Variants in NELL1 observed in about 807,000 individuals in gnomAD.
NELL1 encodes the protein protein kinase C-binding protein NELL1.
In NELL1, 76 loss-of-function variants were observed where a neutral mutation model predicts 107.4. The observed-to-expected ratio is 0.71, with a 90% CI of 0.59 to 0.86. NELL1 has a LOEUF of 0.86. Ranked by LOEUF, NELL1 falls within the 40% of genes least tolerant of loss-of-function variation. The pLI, the probability that NELL1 is intolerant of heterozygous loss-of-function variation, is 0.00. For missense variants in NELL1, 1,024 were observed against 1,005.5 expected, an observed-to-expected ratio of 1.02 and a Z score of -0.25; for synonymous variants, 353 against 341.2, an observed-to-expected ratio of 1.03 and a Z score of -0.38.
chr11:20,821,135 G>A lies in NELL1; in HGVS notation c.336-26448G>A, dbSNP rs529501443. Among the ~76,000 whole-genome samples the A allele has an allele frequency of 2.0e-5, 3 of 152,310 alleles. No individual in the cohort carries two copies. The South Asian group carries it at 6.2e-4, about 32-fold the overall frequency. Reference sequence around the variant, plus strand: ...GGAGATGGCATTTAAACTGGGACTTGAAGCATGAGTCAGAGTTTACCAGGT... The same window carrying A: ...GGAGATGGCATTTAAACTGGGACTTAAAGCATGAGTCAGAGTTTACCAGGT... On this transcript the variant is annotated intron_variant, in intron 3 of 19. Coordinates refer to ENST00000357134, the MANE Select transcript of NELL1 (RefSeq NM_006157.5).
intron 12 of NELL1, among the ~76,000 whole-genome samples, chr11:21,049,471 C>T (rs1401719522): frequency 6.6e-6 from 1 of 152,102 alleles, no homozygotes; most frequent in East Asian, 1.9e-4. Context: ...TTTTAGCCAA[C>T]TTTAGTTGAT....
Position 21,370,954 on chromosome 11 carries a change from C to G in NELL1, c.1645+6C>G, listed in dbSNP as rs751501383. 2.5e-6 allele frequency: 4 copies of G among 1,605,204 alleles called. No homozygotes were observed. The East Asian group carries it at 9.0e-5, about 36-fold the overall frequency. On this transcript the variant is annotated splice_donor_region_variant and intron_variant, in intron 15 of 19. Coordinates refer to ENST00000357134, the MANE Select transcript of NELL1 (RefSeq NM_006157.5). The stretch of plus-strand genomic sequence containing the variant: ...AGGAAGCCACTGCGAGAAAGGTAAT[C>G]TAGCTTGTTTTATGGGGGATAGGGA...
intron 13 of NELL1, among the ~76,000 whole-genome samples, chr11:21,141,737 TTTTATTTA>T (rs201651937): frequency 0.01 from 1,541 of 147,636 alleles, 23 homozygotes; most frequent in African/African-American, 0.033. Flanking sequence ...CCTCTATCCT[TTTTATTTA>T]TTTATTTATT....
rs142034007 is a variant in NELL1 at position 21,221,548 on chromosome 11, T to G, written c.1427-7784T>G. Among the ~76,000 whole-genome samples, 5 of 152,342 alleles carry G rather than the reference T, an allele frequency of 3.3e-5. No homozygotes were observed. In the East Asian group the frequency reaches 9.6e-4, roughly 29 times the overall value. ...GCTGGGAGATTTTTTTGTTACTGTT[T>G]CAATCTCTTTACTTGTTATTGGTCT... On this transcript the variant is annotated intron_variant, in intron 13 of 19. Transcript: ENST00000357134.
chr11:20,946,622 AG>A (rs1850967152), intron 10 of NELL1, among the ~76,000 whole-genome samples: 1 of 152,154 alleles, frequency 6.6e-6, no homozygotes, highest in South Asian at 2.1e-4. Context: ...GCTCTTTGCC[AG>A]GAAAGTCCCT....
intron 14 of NELL1, among the ~76,000 whole-genome samples, chr11:21,323,608 T>C (rs2133671323): frequency 6.6e-6 from 1 of 152,280 alleles, no homozygotes; most frequent in East Asian, 1.9e-4. Context: ...GTCTCCAAGA[T>C]GGCTGCCCTC....
chr11:20,724,894 C>A (rs1487310991), intron 2 of NELL1, among the ~76,000 whole-genome samples: 1 of 152,180 alleles, frequency 6.6e-6, no homozygotes, highest in African/African-American at 2.4e-5. Context: ...GTTTAATTGA[C>A]TCACAGTTCT....
In NELL1 at chr11:20,767,122, G is replaced by T. The variant is rs548588127; in HGVS notation, c.185-16558G>T. On this transcript the variant is annotated intron_variant, in intron 2 of 19. Transcript: ENST00000357134. ...CACTGTCCTGGTGTGTCTGTTGTTG[G>T]TTCCTTCAGGTGGGTTCTTGGTCTT... Among the ~76,000 whole-genome samples, 47 of 152,232 alleles carry T rather than the reference G, an allele frequency of 3.1e-4. 1 individual carries two copies. The South Asian group carries it at 9.3e-3, about 30-fold the overall frequency.
chr11:21,273,471 A>G (rs954118098), intron 14 of NELL1, among the ~76,000 whole-genome samples: 2 of 152,244 alleles, frequency 1.3e-5, no homozygotes, highest in African/African-American at 4.8e-5. Flanking sequence ...CAAGTTGGAA[A>G]ACACTTTGCA....
intron 3 of NELL1, among the ~76,000 whole-genome samples, chr11:20,793,275 T>G (rs183563656): frequency 6.6e-6 from 1 of 152,048 alleles, no homozygotes; most frequent in African/African-American, 2.4e-5. Flanking sequence ...TTCATTGATA[T>G]TGGGATTTTT....
At chr11:21,025,772 C>T (rs966757082) in intron 12 of NELL1, among the ~76,000 whole-genome samples, 2 of 152,090 alleles carry the variant, frequency 1.3e-5, no homozygotes, top group African/African-American at 4.8e-5. Context: ...TTTATATCTC[C>T]ACTTGACGTT....
At chr11:20,835,562 A>G (rs985027548) in intron 3 of NELL1, among the ~76,000 whole-genome samples, 1 of 152,344 alleles carries the variant, frequency 6.6e-6, no homozygotes, top group African/African-American at 2.4e-5. Context: ...TTCTTATTAC[A>G]TTAATTGAAA....
In NELL1 at chr11:21,468,631, T is replaced by C. The variant is rs534060915; in HGVS notation, c.1646-65743T>C. Among the ~76,000 whole-genome samples the C allele has an allele frequency of 1.3e-3, 195 of 151,926 alleles. 1 individual carries two copies. The highest frequency in any genetic ancestry group is 4.6e-3 in the African/African-American group (192 of 41,458). On this transcript the variant is annotated intron_variant, in intron 15 of 19. Coordinates refer to ENST00000357134, the MANE Select transcript of NELL1 (RefSeq NM_006157.5). ...TATCTGACTGGAAAGTGAAAAAAAA[T>C]GAAGTGGGTTAGGTAGAACCTATGA... is the stretch of plus-strand genomic sequence containing the variant.
intron 14 of NELL1, among the ~76,000 whole-genome samples, chr11:21,306,826 T>C (rs1410157981): frequency 6.6e-6 from 1 of 152,064 alleles, no homozygotes; most frequent in Non-Finnish European, 1.5e-5. Flanking sequence ...AAGTTTTTCA[T>C]TAGCAGGGAT....
chr11:21,075,321 G>A (rs1024380307), intron 12 of NELL1, among the ~76,000 whole-genome samples: 1 of 152,130 alleles, frequency 6.6e-6, no homozygotes, highest in Admixed American at 6.5e-5. Flanking sequence ...TTCCTTAAAG[G>A]TGGGTTGATA....
intron 5 of NELL1, among the ~76,000 whole-genome samples, chr11:20,902,294 A>G (rs1488815281): frequency 1.3e-5 from 2 of 152,106 alleles, no homozygotes; most frequent in Non-Finnish European, 2.9e-5. Flanking sequence ...TTAACTCAAT[A>G]GGAAGTCAGA....
intron 12 of NELL1, among the ~76,000 whole-genome samples, chr11:20,962,835 G>T (rs981254823): frequency 2.4e-4 from 37 of 152,168 alleles, no homozygotes; most frequent in Admixed American, 1.3e-4. Context: ...TCATTTCCTT[G>T]TTGTATGGAG....
chr11:20,695,481 C>T (rs373323869), intron 2 of NELL1, among the ~76,000 whole-genome samples: 43 of 151,944 alleles, frequency 2.8e-4, no homozygotes, highest in African/African-American at 9.9e-4. Context: ...TGTTTAGTTT[C>T]TTGAGGGTTT....
intron 13 of NELL1, among the ~76,000 whole-genome samples, chr11:21,114,492 A>C (rs1361280910): frequency 6.6e-6 from 1 of 152,004 alleles, no homozygotes; most frequent in African/African-American, 2.4e-5. Context: ...TCTTTGTTCC[A>C]ATCACGTTGG....
Sources: gnomAD v4.1 joint callset for allele counts (sites outside exome capture counted in the v4.1 genomes callset) on GRCh38, gnomAD v4.1.1 for gene constraint, MANE v1.5 for transcripts, NCBI Gene and HGNC (gene_info 2026-07-23, HGNC 2026-07-21) for gene names.